Variants in SFI1 observed in about 807,000 individuals in gnomAD.
SFI1 encodes protein SFI1 homolog.
A neutral mutation model predicts 207.5 loss-of-function variants in SFI1; 195 were observed. The observed-to-expected ratio is 0.94, with a 90% confidence interval of 0.84 to 1.06. SFI1 has a LOEUF of 1.06. Among genes scored for constraint, SFI1 ranks in the 50% least tolerant of loss-of-function variants. SFI1 has a pLI of 0.00. For synonymous variants in SFI1, 630 were observed against 598.9 expected, an observed-to-expected ratio of 1.05 and a Z score of -0.76; for missense variants, 1,634 against 1,588.0, an observed-to-expected ratio of 1.03 and a Z score of -0.49.
intron 24 of SFI1, 113 bp downstream of exon 24, chr22:31,611,953 A>G: frequency 2.0e-6 from 3 of 1,469,480 alleles, no homozygotes; most frequent in Non-Finnish European, 2.7e-6. Flanking sequence ...TTTTACTATC[A>G]CCCTCCCCAG....
At chr22:31,545,877 C>CTTTTT (rs770151262) in intron 4 of SFI1, among the ~76,000 whole-genome samples, 12 of 99,510 alleles carry the variant, frequency 1.2e-4, no homozygotes, top group East Asian at 2.9e-4. Context: ...CCGTGTCCAG[C>CTTTTT]TTTTTTTTTT....
At chr22:31,497,966 G>C (rs2053016837) in intron 1 of SFI1, among the ~76,000 whole-genome samples, 1 of 152,166 alleles carries the variant, frequency 6.6e-6, no homozygotes, top group Non-Finnish European at 1.5e-5. Context: ...CATGGTTCAA[G>C]GAGTAATTTT....
chr22:31,584,085 CCTG>C, intron 13 of SFI1, 113 bp downstream of exon 13: 1 of 894,530 alleles, frequency 1.1e-6, no homozygotes, highest in Non-Finnish European at 1.8e-6. Context: ...TTCAGAAAGG[CCTG>C]CTGGGGTGGA....
In SFI1 at chr22:31,575,320, G is replaced by A. The variant is rs760760012; in HGVS notation, c.1012G>A (p.Ala338Thr). 17 of 1,613,308 alleles carry A rather than the reference G, an allele frequency of 1.1e-5. No individual in the cohort carries two copies. Among genetic ancestry groups the A allele is most frequent in the African/African-American group, 9.3e-5 (7 of 74,870 alleles). Reference sequence around the variant, plus strand: ...CTGGGAGCGGAGGGAGAGCTTGTACGCTCACCATGCCCAGGTGGAGAAACT... The same window carrying A: ...CTGGGAGCGGAGGGAGAGCTTGTACACTCACCATGCCCAGGTGGAGAAACT... ...QAWERRESLYAHHAQVEKLAR... is the reference protein window; with the variant it reads ...QAWERRESLYTHHAQVEKLAR... The change falls in exon 10 of 33, where the codon GCT (alanine) becomes ACT (threonine). Residue 338 changes from alanine to threonine, a missense_variant. Coordinates refer to ENST00000400288, the MANE Select transcript of SFI1 (RefSeq NM_001007467.3).
At chr22:31,582,222 ATATATATATATATATTTTTT>A (rs2064341485) in intron 12 of SFI1, among the ~76,000 whole-genome samples, 2 of 31,484 alleles carry the variant, frequency 6.4e-5, no homozygotes, top group African/African-American at 2.5e-4. Context: ...ATATATATAT[ATATATATATATATATTTTTT>A]TTTTTTTTTT....
chr22:31,505,925 C>T (rs1247587458), intron 1 of SFI1, among the ~76,000 whole-genome samples: 2 of 151,562 alleles, frequency 1.3e-5, no homozygotes, highest in African/African-American at 4.9e-5. Flanking sequence ...GTGGCTCATG[C>T]CTGTAATCGT....
chr22:31,612,117 G>A lies in SFI1; in HGVS notation c.2490+277G>A, dbSNP rs1050972275. ...GTGGAGGCCGGGCGCAGTGGCTCAC[G>A]CCTGTAATCCCAGCACTTTGGGAGG... On this transcript the variant is annotated intron_variant, in intron 24 of 32. Coordinates refer to ENST00000400288, the MANE Select transcript of SFI1 (RefSeq NM_001007467.3). The A allele has an allele frequency of 7.3e-5, 79 of 1,084,636 alleles. 1 individual carries two copies. Among genetic ancestry groups the A allele is most frequent in the African/African-American group, 8.4e-5 (5 of 59,210 alleles). The allele number at this position is 1,084,636 out of a possible 1,614,324, so 67.2% of individuals were successfully genotyped here. A position where few individuals can be genotyped will look rare whatever the true frequency, so the allele number is the denominator to read the frequency against.
At chr22:31,582,643 C>T (rs2064486851) in intron 12 of SFI1, among the ~76,000 whole-genome samples, 1 of 152,082 alleles carries the variant, frequency 6.6e-6, no homozygotes, top group Non-Finnish European at 1.5e-5. Context: ...CATGTACATC[C>T]ACATTGTGCA....
chr22:31,592,793 TG>T (rs2066238569), intron 15 of SFI1, among the ~76,000 whole-genome samples: 1 of 126,758 alleles, frequency 7.9e-6, no homozygotes, highest in Non-Finnish European at 1.7e-5. Context: ...ACGGGGCGGC[TG>T]GCCGGGGGGA....
intron 2 of SFI1, among the ~76,000 whole-genome samples, chr22:31,518,178 C>G (rs913111899): frequency 1.3e-5 from 2 of 152,000 alleles, no homozygotes; most frequent in African/African-American, 2.4e-5. Flanking sequence ...GTAGAGATGG[C>G]ATTTCACCAT....
At chr22:31,575,738 A>G (rs1222359193) in intron 10 of SFI1, among the ~76,000 whole-genome samples, 1 of 152,136 alleles carries the variant, frequency 6.6e-6, no homozygotes, top group African/African-American at 2.4e-5. Flanking sequence ...TGGTGTTACA[A>G]TTTAAGTGCT....
intron 3 of SFI1, chr22:31,530,510 A>AAAAAAAAAAC (rs2058407826): frequency 3.1e-6 from 1 of 327,084 alleles, no homozygotes; most frequent in African/African-American, 2.2e-5. Flanking sequence ...AAAAAAAAAA[A>AAAAAAAAAAC]AAAGACAAGC....
intron 8 of SFI1, among the ~76,000 whole-genome samples, chr22:31,568,467 G>A (rs2145716450): frequency 7.0e-6 from 1 of 142,420 alleles, no homozygotes; most frequent in East Asian, 2.2e-4. Flanking sequence ...GGAAGCAGAG[G>A]TTGCAGTGAG....
intron 2 of SFI1, among the ~76,000 whole-genome samples, chr22:31,514,148 A>G (rs9609309): frequency 0.43 from 59,184 of 138,326 alleles, 12,134 homozygotes; most frequent in Middle Eastern, 0.55. Context: ...CTCAAAAAAA[A>G]AAAAAAAAAA....
chr22:31,593,125 C>A (rs1178370116), intron 15 of SFI1, among the ~76,000 whole-genome samples: 1 of 126,358 alleles, frequency 7.9e-6, no homozygotes, highest in African/African-American at 3.0e-5. Context: ...GCTGGCCGGG[C>A]GGGGGGCTGA....
chr22:31,561,028 CTG>C (rs1452448333), intron 7 of SFI1, among the ~76,000 whole-genome samples: 3 of 152,142 alleles, frequency 2.0e-5, no homozygotes, highest in African/African-American at 4.8e-5. Context: ...ACAAATCAAA[CTG>C]TGTAGGTCAA....
chr22:31,609,984 T>G (rs1451645956), intron 22 of SFI1, among the ~76,000 whole-genome samples: 1 of 152,204 alleles, frequency 6.6e-6, no homozygotes, highest in Non-Finnish European at 1.5e-5. Flanking sequence ...TGAAGGACTT[T>G]CCTTAGAGGG....
At chr22:31,497,700 T>C (rs1028677613) in intron 1 of SFI1, among the ~76,000 whole-genome samples, 4 of 151,710 alleles carry the variant, frequency 2.6e-5, no homozygotes, top group South Asian at 4.2e-4. Flanking sequence ...TAGAAATGCC[T>C]ATGCTCTGTA....
At chr22:31,501,199 T>A (rs762822443) in intron 1 of SFI1, among the ~76,000 whole-genome samples, 29 of 148,986 alleles carry the variant, frequency 1.9e-4, no homozygotes, top group Non-Finnish European at 3.9e-4. Context: ...TGAGACGGAG[T>A]GTAGCTCTGT....
Sources: gnomAD v4.1 joint callset for allele counts (sites outside exome capture counted in the v4.1 genomes callset) on GRCh38, gnomAD v4.1.1 for gene constraint, MANE v1.5 for transcripts, NCBI Gene and HGNC (gene_info 2026-07-23, HGNC 2026-07-21) for gene names.